Variants in STXBP5L observed in about 807,000 individuals in gnomAD.
STXBP5L encodes the protein syntaxin-binding protein 5-like.
In STXBP5L, 65 loss-of-function variants were observed where a neutral mutation model predicts 144.5. The ratio of observed to expected loss-of-function variants is 0.45; its 90% CI spans 0.37 to 0.55. The LOEUF (loss-of-function observed/expected upper bound fraction) is 0.55. Ranked by LOEUF, STXBP5L falls within the 20% of genes least tolerant of loss-of-function variation. The pLI is 0.00. For missense variants in STXBP5L, 1,298 were observed against 1,405.5 expected, an observed-to-expected ratio of 0.92 and a Z score of 1.22; for synonymous variants, 505 against 469.6, an observed-to-expected ratio of 1.08 and a Z score of -0.97.
At chr3:121,342,632 T>A (rs1388994267) in intron 20 of STXBP5L, among the ~76,000 whole-genome samples, 7 of 151,936 alleles carry the variant, frequency 4.6e-5, no homozygotes, top group African/African-American at 1.7e-4. Context: ...TTACTGAGAA[T>A]GATGCTTTCC....
At position 121,407,541 on chromosome 3, in the gene STXBP5L, G is replaced by A; in HGVS notation, c.2886G>A (p.Val962=). 1 of 1,613,362 alleles carries A rather than the reference G, an allele frequency of 6.2e-7. No homozygotes were observed. Among genetic ancestry groups the A allele is most frequent in the South Asian group, 1.1e-5 (1 of 91,072 alleles). Residue 962 remains valine, a synonymous_variant, in exon 23 of 27, where the codon GTG becomes GTA. Coordinates refer to ENST00000471454, the MANE Select transcript of STXBP5L (RefSeq NM_001308330.2). ...ETSFILQANV[V]VMCSSACLAC... ...CTTTTATACTGCAAGCAAATGTGGT[G>A]GTCATGTGTAGCAGTGCCTGCTTGG...
At chr3:120,974,912 T>G in intron 3 of STXBP5L, among the ~76,000 whole-genome samples, 1 of 152,212 alleles carries the variant, frequency 6.6e-6, no homozygotes, top group Non-Finnish European at 1.5e-5. Flanking sequence ...ATCTCTGTTT[T>G]GGTACCAGTA....
At chr3:121,392,900 C>T (rs2046630701) in intron 22 of STXBP5L, among the ~76,000 whole-genome samples, 1 of 150,288 alleles carries the variant, frequency 6.7e-6, no homozygotes, top group Non-Finnish European at 1.5e-5. Context: ...CATACACGTG[C>T]TTGTGTCTTT....
rs202193662 is a variant in STXBP5L at position 121,092,422 on chromosome 3, T to C, written c.471-22503T>C. Among the ~76,000 whole-genome samples, 119 of 152,338 alleles carry C rather than the reference T, an allele frequency of 7.8e-4. 1 individual carries two copies. The East Asian group carries it at 0.022, about 29-fold the overall frequency. On this transcript the variant is annotated intron_variant, in intron 5 of 26. Coordinates refer to ENST00000471454, the MANE Select transcript of STXBP5L (RefSeq NM_001308330.2). ...CCATGAGCATGGAATGTTCTTCCAT[T>C]TGTTTGTATCCTCTTTAAGTTCATT...
chr3:121,009,553 A>T (rs1347770873), intron 3 of STXBP5L, among the ~76,000 whole-genome samples: 1 of 151,976 alleles, frequency 6.6e-6, no homozygotes, highest in Non-Finnish European at 1.5e-5. Flanking sequence ...CCTTATGGAG[A>T]GGACCCATTT....
intron 9 of STXBP5L, among the ~76,000 whole-genome samples, chr3:121,180,920 G>A (rs2047120399): frequency 6.6e-6 from 1 of 150,662 alleles, no homozygotes; most frequent in Admixed American, 6.7e-5. Flanking sequence ...GAAAAGAAAA[G>A]AAAGAGAAAG....
At chr3:121,010,173 C>T (rs1241880596) in intron 3 of STXBP5L, among the ~76,000 whole-genome samples, 1 of 151,826 alleles carries the variant, frequency 6.6e-6, no homozygotes, top group African/African-American at 2.4e-5. Flanking sequence ...CCAAGTTCAA[C>T]AGTCCTTAAG....
chr3:121,091,940 A>G lies in STXBP5L; in HGVS notation c.471-22985A>G, dbSNP rs529998370. 9.9e-5 allele frequency among the ~76,000 whole-genome samples: 15 copies of G among 152,188 alleles called. No homozygotes were observed. In the East Asian group the frequency reaches 2.9e-3, roughly 29 times the overall value. On this transcript the variant is annotated intron_variant, in intron 5 of 26. Transcript: ENST00000471454. ...CATTTAAGTCTTTAATTCATCTTGA[A>G]TTAATTTTTGTATAAGGTGTAAGGA... is the stretch of plus-strand genomic sequence containing the variant.
At chr3:121,369,654 C>CAA (rs999491103) in intron 20 of STXBP5L, among the ~76,000 whole-genome samples, 5 of 152,052 alleles carry the variant, frequency 3.3e-5, no homozygotes, top group Non-Finnish European at 7.4e-5. Context: ...AAAAGCCTTT[C>CAA]ACCAGGCAAT....
At chr3:120,912,515 G>C (rs544058444) in intron 2 of STXBP5L, among the ~76,000 whole-genome samples, 1 of 151,294 alleles carries the variant, frequency 6.6e-6, no homozygotes, top group African/African-American at 2.4e-5. Context: ...ATGTTCGCTA[G>C]CCTTAAAAAA....
chr3:120,951,883 T>C (rs1711261244), intron 2 of STXBP5L, among the ~76,000 whole-genome samples: 1 of 151,992 alleles, frequency 6.6e-6, no homozygotes, highest in South Asian at 2.1e-4. Flanking sequence ...CTATTCACAA[T>C]AGCAAAGACT....
chr3:121,173,476 C>T (rs972724004), intron 9 of STXBP5L, among the ~76,000 whole-genome samples: 3 of 151,846 alleles, frequency 2.0e-5, no homozygotes, highest in African/African-American at 2.4e-5. Flanking sequence ...AGTTTACTTT[C>T]GAACAACATG....
intron 19 of STXBP5L, among the ~76,000 whole-genome samples, chr3:121,310,873 C>T (rs2043502512): frequency 1.3e-5 from 2 of 152,058 alleles, no homozygotes. Context: ...CGCACCACTG[C>T]ACTCCAGCCT....
chr3:120,955,152 G>A (rs972596403), intron 3 of STXBP5L, 115 bp downstream of exon 3: 9 of 748,370 alleles, frequency 1.2e-5, no homozygotes, highest in Admixed American at 3.0e-5. Flanking sequence ...TTTAAGAAAT[G>A]AGTAACTATT....
chr3:121,040,094 T>G (rs1429187716), intron 3 of STXBP5L, among the ~76,000 whole-genome samples: 1 of 152,102 alleles, frequency 6.6e-6, no homozygotes, highest in Non-Finnish European at 1.5e-5. Context: ...TCCTGTTTTA[T>G]TTCTGGGTCT....
At chr3:120,979,523 G>A (rs553594958) in intron 3 of STXBP5L, among the ~76,000 whole-genome samples, 1 of 152,144 alleles carries the variant, frequency 6.6e-6, no homozygotes, top group African/African-American at 2.4e-5. Context: ...GCCTCACCCT[G>A]CTTTGGCTCA....
intron 5 of STXBP5L, among the ~76,000 whole-genome samples, chr3:121,104,864 AAAAG>A (rs759663451): frequency 3.3e-5 from 5 of 152,328 alleles, no homozygotes; most frequent in Non-Finnish European, 2.9e-5. Flanking sequence ...AGATGCGACA[AAAAG>A]AAAGATAAAT....
intron 22 of STXBP5L, among the ~76,000 whole-genome samples, chr3:121,391,267 A>G (rs1174940020): frequency 1.3e-5 from 2 of 152,050 alleles, no homozygotes; most frequent in African/African-American, 4.8e-5. Flanking sequence ...TACACTGTTT[A>G]TTCTAGTTAG....
At chr3:121,035,333 A>G (rs976589250) in intron 3 of STXBP5L, among the ~76,000 whole-genome samples, 2 of 152,148 alleles carry the variant, frequency 1.3e-5, no homozygotes, top group East Asian at 1.9e-4. Flanking sequence ...TAGTAGTTCT[A>G]TAGTTTGAGG....
Sources: gnomAD v4.1 joint callset for allele counts (sites outside exome capture counted in the v4.1 genomes callset) on GRCh38, gnomAD v4.1.1 for gene constraint, MANE v1.5 for transcripts, NCBI Gene and HGNC (gene_info 2026-07-23, HGNC 2026-07-21) for gene names.